LMOD3: variants seen among roughly 807,000 people sequenced by gnomAD.
The protein encoded by LMOD3 is leiomodin-3.
A neutral mutation model predicts 41.8 loss-of-function variants in LMOD3; 31 were observed. The observed-to-expected ratio is 0.74, with a 90% confidence interval of 0.56 to 1.00. LMOD3 has a LOEUF of 1.00. Ranked by LOEUF, LMOD3 falls within the 50% of genes least tolerant of loss-of-function variation. The pLI is 0.00. For synonymous variants in LMOD3, 292 were observed against 241.9 expected, an observed-to-expected ratio of 1.21 and a Z score of -1.92; for missense variants, 755 against 679.5, an observed-to-expected ratio of 1.11 and a Z score of -1.23.
At position 69,108,895 on chromosome 3, in the gene LMOD3, T is replaced by C; in HGVS notation, c.*200A>G. On this transcript the variant is annotated 3_prime_UTR_variant, in exon 3 of 3. Transcript: ENST00000420581. The stretch of plus-strand genomic sequence containing the variant: ...TATTGCCTCTAAATATTATATTTTA[T>C]CTCCTTCCACCTTCCTCTTCAGCCC... 2.3e-6 allele frequency: 1 copy of C among 441,636 alleles called. No homozygotes were observed. Among genetic ancestry groups the C allele is most frequent in the Non-Finnish European group, 4.0e-6 (1 of 249,802 alleles). The allele number at this position is 441,636 out of a possible 1,614,324, so 27.4% of individuals were successfully genotyped here. A position where few individuals can be genotyped will look rare whatever the true frequency, so the allele number is the denominator to read the frequency against.
chr3:69,122,553 C>T lies in LMOD3; in HGVS notation c.-167G>A, dbSNP rs570707220. 4.6e-5 allele frequency: 27 copies of T among 590,020 alleles called. No individual in the cohort carries two copies. Among genetic ancestry groups the T allele is most frequent in the African/African-American group, 3.7e-4 (20 of 53,702 alleles). 36.5% of individuals were successfully genotyped at this position (590,020 alleles called of 1,614,324 possible). The stretch of plus-strand genomic sequence containing the variant: ...CCAGGAACCTCAGTGGTTTGCTGAG[C>T]AGCTAGGAGTGATCACAGCTAAGCT... On this transcript the variant is annotated 5_prime_UTR_variant, in exon 1 of 3. Coordinates refer to ENST00000420581, the MANE Select transcript of LMOD3 (RefSeq NM_198271.5).
rs1425785820 is a variant in LMOD3, at chr3:69,108,740, GTTATAT to G, written c.*349_*354del. On this transcript the variant is annotated 3_prime_UTR_variant, in exon 3 of 3. Coordinates refer to ENST00000420581, the MANE Select transcript of LMOD3 (RefSeq NM_198271.5). ...TGGGAATACAATAGTTAACACTTCT[GTTATAT>G]TTATTATTTACCAGAAGAAAACAAT... 4.9e-6 allele frequency: 1 copy of G among 205,656 alleles called. No homozygotes were observed. The highest frequency in any genetic ancestry group is 2.3e-5 in the African/African-American group (1 of 42,932). The allele number at this position is 205,656 out of a possible 1,614,324, so 12.7% of individuals were successfully genotyped here.
At chr3:69,121,023 C>T (rs1460029631) in intron 1 of LMOD3, among the ~76,000 whole-genome samples, 4 of 152,090 alleles carry the variant, frequency 2.6e-5, no homozygotes, top group Admixed American at 6.5e-5. Flanking sequence ...GACAAGTCAC[C>T]TTAACCACCT....
In LMOD3 at chr3:69,107,216, T is replaced by C. The variant is rs918532141; in HGVS notation, c.*1879A>G. ...CAAAACTATCAGCCATTGAAAACTA[T>C]ATTTAAATTTGGATACTTTTGTACA... On this transcript the variant is annotated 3_prime_UTR_variant, in exon 3 of 3. Coordinates refer to ENST00000420581, the MANE Select transcript of LMOD3 (RefSeq NM_198271.5). The C allele has an allele frequency of 6.6e-6, 1 of 152,032 alleles. No homozygotes were observed. Among genetic ancestry groups the C allele is most frequent in the Admixed American group, 6.6e-5 (1 of 15,260 alleles). The allele number at this position is 152,032 out of a possible 1,614,324, so 9.4% of individuals were successfully genotyped here.
rs529847294 is a variant in LMOD3 at position 69,108,042 on chromosome 3, A to G, written c.*1053T>C. On this transcript the variant is annotated 3_prime_UTR_variant, in exon 3 of 3. Transcript: ENST00000420581. The stretch of plus-strand genomic sequence containing the variant: ...CGAGCAAAGGCACAAGGGTGTGCAC[A>G]AGGATGTTTCATCGAGTAGAGTATA... 1.7e-4 allele frequency: 26 copies of G among 152,310 alleles called. No individual in the cohort carries two copies. Among genetic ancestry groups the G allele is most frequent in the African/African-American group, 6.3e-4 (26 of 41,568 alleles). 9.4% of individuals were successfully genotyped at this position (152,310 alleles called of 1,614,324 possible). A position where few individuals can be genotyped will look rare whatever the true frequency, so the allele number is the denominator to read the frequency against.
chr3:69,112,814 A>C (rs140517561), intron 2 of LMOD3, among the ~76,000 whole-genome samples: 4,173 of 152,316 alleles, frequency 0.027, 76 homozygotes, highest in East Asian at 0.041. Context: ...AGACTCTGTC[A>C]GTGGACTCAG....
chr3:69,122,232 A>G lies in LMOD3; in HGVS notation c.155T>C (p.Met52Thr), dbSNP rs1252489316. 2 of 1,613,540 alleles carry G rather than the reference A, an allele frequency of 1.2e-6. No individual in the cohort carries two copies. Among genetic ancestry groups the G allele is most frequent in the Admixed American group, 3.3e-5 (2 of 59,952 alleles). ...MAPDPSLPVGMIQKDQTDKPP... is the reference protein window; with the variant it reads ...MAPDPSLPVGTIQKDQTDKPP... ...CTTGTCAGTTTGATCTTTCTGAATC[A>G]TTCCCACGGGAAGGCTGGGGTCAGG... The change falls in exon 1 of 3, where the codon ATG becomes ACG. Residue 52 changes from methionine to threonine, a missense_variant. Met to Thr is a moderately conservative substitution (Grantham distance 81). Coordinates refer to ENST00000420581, the MANE Select transcript of LMOD3 (RefSeq NM_198271.5).
At chr3:69,111,278 G>A (rs1000651914) in intron 2 of LMOD3, among the ~76,000 whole-genome samples, 1 of 152,122 alleles carries the variant, frequency 6.6e-6, no homozygotes, top group East Asian at 1.9e-4. Flanking sequence ...ATGTGCTGCT[G>A]CCTGCCAGCC....
Position 69,118,869 on chromosome 3 carries a change from TG to T in LMOD3, c.1485del (p.Lys496AsnfsTer44). 6.2e-7 allele frequency: 1 copy of T among 1,610,752 alleles called. No individual in the cohort carries two copies. The highest frequency in any genetic ancestry group is 8.5e-7 in the Non-Finnish European group (1 of 1,179,226). ...FRVVKLKRIQRKSRMPEAREP... is the reference protein window; with the variant it reads ...FRVVKLKRIQXKSRMPEAREP... ...TCTCTGGCTTCCGGCATCCGAGATT[TG>T]CGCTGGATTCTCTTCAGCTTCACCA... On this transcript the variant is annotated frameshift_variant, in exon 2 of 3. Coordinates refer to ENST00000420581, the MANE Select transcript of LMOD3 (RefSeq NM_198271.5). LOFTEE classifies it high-confidence loss of function.
Position 69,119,077 on chromosome 3 carries a change from C to T in LMOD3, c.1278G>A (p.Leu426=). The change falls in exon 2 of 3, where the codon CTG becomes CTA. Residue 426 remains leucine (L), a synonymous_variant. Transcript: ENST00000420581. ...LIAMLENGLG[L]PPGMWELLGG... is the part of the protein sequence containing the mutation. ...CCAACAGCTCCCACATCCCAGGGGG[C>T]AGCCCCAACCCATTCTCTAACATGG... 6.2e-7 allele frequency: 1 copy of T among 1,613,788 alleles called. No homozygotes were observed. Among genetic ancestry groups the T allele is most frequent in the Non-Finnish European group, 8.5e-7 (1 of 1,179,856 alleles).
Position 69,122,448 on chromosome 3 carries a change from A to T in LMOD3, c.-62T>A. ...ATAATCAAAGATGATTTTTAAAAAG[A>T]AGGAAAAAAGCCTCAAGAAGGTCCC... On this transcript the variant is annotated 5_prime_UTR_variant, in exon 1 of 3. Coordinates refer to ENST00000420581, the MANE Select transcript of LMOD3 (RefSeq NM_198271.5). The T allele has an allele frequency of 7.8e-7, 1 of 1,280,292 alleles. No homozygotes were observed. Among genetic ancestry groups the T allele is most frequent in the Non-Finnish European group, 1.1e-6 (1 of 941,882 alleles). 79.3% of individuals were successfully genotyped at this position (1,280,292 alleles called of 1,614,324 possible).
chr3:69,106,325 C>T lies in LMOD3; in HGVS notation c.*2770G>A, dbSNP rs1049666894. Reference sequence around the variant, plus strand: ...CCATTTTCTACAAGGTGAATTCTGCCGATAAAATCCAATAAATTTGGAGAA... The same window carrying T: ...CCATTTTCTACAAGGTGAATTCTGCTGATAAAATCCAATAAATTTGGAGAA... On this transcript the variant is annotated 3_prime_UTR_variant, in exon 3 of 3. Transcript: ENST00000420581. Among the ~76,000 whole-genome samples the T allele has an allele frequency of 2.6e-5, 4 of 151,364 alleles. No homozygotes were observed. Among genetic ancestry groups the T allele is most frequent in the Admixed American group, 6.6e-5 (1 of 15,182 alleles).
Position 69,122,149 on chromosome 3 carries a change from C to A in LMOD3, c.238G>T (p.Ala80Ser). 13 of 1,612,742 alleles carry A rather than the reference C, an allele frequency of 8.1e-6. No homozygotes were observed. Among genetic ancestry groups the A allele is most frequent in the Non-Finnish European group, 1.1e-5 (13 of 1,179,440 alleles). The change falls in exon 1 of 3, where the codon GCA becomes TCA. Residue 80 changes from alanine (A) to serine (S), a missense_variant. Transcript: ENST00000420581. The part of the protein sequence containing the change: ...SLVDYMYWEK[A>S]SRRMLEEERV... Reference sequence around the variant, plus strand: ...TCCTCTTCCAGCATGCGCCTGGATGCCTTTTCCCAATACATATAATCAACA... The same window carrying A: ...TCCTCTTCCAGCATGCGCCTGGATGACTTTTCCCAATACATATAATCAACA...
At chr3:69,111,974 T>A (rs1055009535) in intron 2 of LMOD3, among the ~76,000 whole-genome samples, 1 of 152,206 alleles carries the variant, frequency 6.6e-6, no homozygotes, top group African/African-American at 2.4e-5. Flanking sequence ...AAATATTTTT[T>A]AAAAACCAAA....
At chr3:69,115,483 AACACACACACAC>A (rs10604147) in intron 2 of LMOD3, among the ~76,000 whole-genome samples, 33,274 of 144,940 alleles carry the variant, frequency 0.23, 3,787 homozygotes, top group Admixed American at 0.31. Context: ...TCCTGCCTCA[AACACACACACAC>A]ACACACACAC....
chr3:69,113,288 C>A (rs1025331808), intron 2 of LMOD3, among the ~76,000 whole-genome samples: 8 of 152,008 alleles, frequency 5.3e-5, no homozygotes, highest in African/African-American at 1.9e-4. Context: ...GCTAAGAAAA[C>A]CCTGAGTGAT....
Position 69,120,069 on chromosome 3 carries a change from G to T in LMOD3, c.295-9C>A. ...TCTTCTTGAGTCTTTTCCTACAAGAGAGGTTTATGAGGGTTAGAATACATA... is the reference window on the plus strand; with the variant it reads ...TCTTCTTGAGTCTTTTCCTACAAGATAGGTTTATGAGGGTTAGAATACATA... On this transcript the variant is annotated splice_polypyrimidine_tract_variant and intron_variant, in intron 1 of 2. Coordinates refer to ENST00000420581, the MANE Select transcript of LMOD3 (RefSeq NM_198271.5). 1 of 1,583,478 alleles carries T rather than the reference G, an allele frequency of 6.3e-7. No homozygotes were observed.
Position 69,119,117 on chromosome 3 carries a change from T to C in LMOD3, c.1238A>G (p.Gln413Arg). The change falls in exon 2 of 3, where the codon CAG becomes CGG. Residue 413 changes from glutamine (Q) to arginine (R), a missense_variant. Physicochemically the swap from Gln to Arg is conservative, Grantham distance 43 (BLOSUM62 1). Transcript: ENST00000420581. ...CTCTAACATGGCTATCAGCTTCTTC[T>C]GTTCCTTGAGTTGCTGCTGTTTTTG... ...EEQKQQQLKEQKKLIAMLENG... is the reference protein window; with the variant it reads ...EEQKQQQLKERKKLIAMLENG... 1 of 1,613,896 alleles carries C rather than the reference T, an allele frequency of 6.2e-7. No homozygotes were observed. Among genetic ancestry groups the C allele is most frequent in the Non-Finnish European group, 8.5e-7 (1 of 1,179,882 alleles).
intron 2 of LMOD3, among the ~76,000 whole-genome samples, chr3:69,118,315 C>T (rs2092386489): frequency 6.6e-6 from 1 of 152,158 alleles, no homozygotes; most frequent in African/African-American, 2.4e-5. Context: ...CTAGCTGTGT[C>T]TCCTCCACAT....
Sources: allele counts gnomAD v4.1 joint callset (sites outside exome capture counted in the v4.1 genomes callset), GRCh38; gene constraint gnomAD v4.1.1; transcripts MANE v1.5; gene names NCBI Gene and HGNC (gene_info 2026-07-23, HGNC 2026-07-21).